TSPAN18: variants seen among roughly 807,000 people sequenced by gnomAD.
TSPAN18 encodes tetraspanin 18.
Under a neutral mutation model 27.3 loss-of-function variants are expected in TSPAN18, and 14 were observed. The ratio of observed to expected loss-of-function variants is 0.51; its 90% confidence interval spans 0.34 to 0.80. The LOEUF is 0.80. TSPAN18 is among the 30% of genes least tolerant of loss of function. The pLI is 0.01. For synonymous variants in TSPAN18, 143 were observed against 136.5 expected (o/e 1.05, Z -0.33); for missense variants, 268 against 323.9 (o/e 0.83, Z 1.32).
At chr11:44,900,680 C>CTTTTTTTTTTTTTTTTTTTTTT (rs72469181) in intron 3 of TSPAN18, among the ~76,000 whole-genome samples, 1 of 49,702 alleles carries the variant, frequency 2.0e-5, no homozygotes, top group African/African-American at 9.0e-5. Flanking sequence ...TTGAGGAAGG[C>CTTTTTTTTTTTTTTTTTTTTTT]TTTTTTTTTT....
intron 2 of TSPAN18, among the ~76,000 whole-genome samples, chr11:44,818,011 C>A (rs546445902): frequency 5.3e-5 from 8 of 152,220 alleles, no homozygotes; most frequent in Non-Finnish European, 1.2e-4. Context: ...GCTGAGATCA[C>A]CTATCCAGGA....
intron 1 of TSPAN18, among the ~76,000 whole-genome samples, chr11:44,741,246 C>T (rs1854925389): frequency 6.6e-6 from 1 of 152,202 alleles, no homozygotes. Context: ...AACATTTCCT[C>T]CCTTTCATTT....
intron 2 of TSPAN18, among the ~76,000 whole-genome samples, chr11:44,794,315 G>A (rs972241055): frequency 6.6e-6 from 1 of 152,202 alleles, no homozygotes; most frequent in Non-Finnish European, 1.5e-5. Context: ...GTGGTTGTGT[G>A]TGTGTGTGTG....
intron 1 of TSPAN18, among the ~76,000 whole-genome samples, chr11:44,741,489 C>T (rs1295279989): frequency 7.3e-6 from 1 of 136,318 alleles, no homozygotes; most frequent in Non-Finnish European, 1.6e-5. Context: ...AGAAAAATGA[C>T]CTTACTGATA....
At position 44,878,450 on chromosome 11, in the gene TSPAN18, GAGGAA is replaced by G. The variant is rs996843392; in HGVS notation, c.-11+17989_-11+17993del. ...GGGAGGTTTCCTTTGGAACAAGCAG[GAGGAA>G]AGGAAAGAATAAGGGAGTGAAACTA... On this transcript the variant is annotated intron_variant, in intron 3 of 9. Coordinates refer to ENST00000520358, the MANE Select transcript of TSPAN18 (RefSeq NM_130783.5). Among the ~76,000 whole-genome samples, 6 of 152,246 alleles carry G rather than the reference GAGGAA, an allele frequency of 3.9e-5. No homozygotes were observed. In the East Asian group the frequency reaches 1.2e-3, roughly 30 times the overall value.
chr11:44,822,390 G>A (rs1393503733), intron 2 of TSPAN18, among the ~76,000 whole-genome samples: 2 of 152,066 alleles, frequency 1.3e-5, no homozygotes, highest in African/African-American at 4.8e-5. Flanking sequence ...AGTGAAAGTG[G>A]TGGGTGGCTG....
At chr11:44,903,369 T>A (rs910081011) in intron 3 of TSPAN18, 3 of 453,296 alleles carry the variant, frequency 6.6e-6, no homozygotes, top group East Asian at 7.1e-5. Context: ...TGGGGGACTC[T>A]CCTTTGATGG....
intron 2 of TSPAN18, among the ~76,000 whole-genome samples, chr11:44,819,982 C>G (rs1283665968): frequency 6.6e-6 from 1 of 152,150 alleles, no homozygotes; most frequent in East Asian, 1.9e-4. Flanking sequence ...ACTAAGGACA[C>G]AGAGAACCAT....
chr11:44,919,461 C>T (rs1860042814), intron 7 of TSPAN18, 149 bp downstream of exon 7: 1 of 730,516 alleles, frequency 1.4e-6, no homozygotes, highest in South Asian at 1.6e-5. Context: ...GCATTCCAGG[C>T]AGCCATGCCA....
At chr11:44,815,326 C>A (rs1027233080) in intron 2 of TSPAN18, among the ~76,000 whole-genome samples, 12 of 152,202 alleles carry the variant, frequency 7.9e-5, no homozygotes, top group African/African-American at 2.9e-4. Flanking sequence ...CAAAATGAGC[C>A]CATGTGCACT....
chr11:44,823,533 C>G (rs1427047036), intron 2 of TSPAN18, among the ~76,000 whole-genome samples: 1 of 152,074 alleles, frequency 6.6e-6, no homozygotes, highest in Non-Finnish European at 1.5e-5. Context: ...GTGGGCACAA[C>G]AGTGTAGAAA....
chr11:44,902,593 A>G (rs1284657699), intron 3 of TSPAN18, among the ~76,000 whole-genome samples: 2 of 152,192 alleles, frequency 1.3e-5, no homozygotes, highest in African/African-American at 2.4e-5. Flanking sequence ...TGCTGGCCAG[A>G]CAGCAGGACA....
chr11:44,873,499 A>G (rs534197598), intron 3 of TSPAN18, among the ~76,000 whole-genome samples: 15 of 152,360 alleles, frequency 9.8e-5, no homozygotes, highest in African/African-American at 3.6e-4. Context: ...AACTCATAGC[A>G]GACAAACCCC....
At chr11:44,775,089 T>C (rs1855773849) in intron 2 of TSPAN18, among the ~76,000 whole-genome samples, 1 of 152,198 alleles carries the variant, frequency 6.6e-6, no homozygotes, top group Non-Finnish European at 1.5e-5. Flanking sequence ...GTGTCTAGTG[T>C]CTGCTGTCAC....
At chr11:44,835,314 TA>T (rs1857242528) in intron 2 of TSPAN18, among the ~76,000 whole-genome samples, 1 of 152,210 alleles carries the variant, frequency 6.6e-6, no homozygotes, top group African/African-American at 2.4e-5. Context: ...ACAGAAAGGT[TA>T]GGACATGAAC....
chr11:44,732,245 C>A (rs1253567189), intron 1 of TSPAN18, among the ~76,000 whole-genome samples: 1 of 152,246 alleles, frequency 6.6e-6, no homozygotes, highest in Admixed American at 6.5e-5. Context: ...TCTGAGATAT[C>A]CCAGAGATGA....
chr11:44,883,888 T>C (rs997117518), intron 3 of TSPAN18, among the ~76,000 whole-genome samples: 1 of 152,218 alleles, frequency 6.6e-6, no homozygotes, highest in African/African-American at 2.4e-5. Context: ...ATTTGTAAAA[T>C]AGGCATAATA....
At chr11:44,915,633 A>G (rs1046520914) in intron 5 of TSPAN18, among the ~76,000 whole-genome samples, 9 of 152,010 alleles carry the variant, frequency 5.9e-5, no homozygotes, top group Non-Finnish European at 1.0e-4. Context: ...GTGGAGACAG[A>G]CTCATGGGCT....
intron 2 of TSPAN18, among the ~76,000 whole-genome samples, chr11:44,845,253 A>G (rs2135174991): frequency 6.6e-6 from 1 of 152,360 alleles, no homozygotes; most frequent in South Asian, 2.1e-4. Context: ...GTGAAATCAT[A>G]GAGGCTTATT....
Sources: gnomAD v4.1 joint callset for allele counts (sites outside exome capture counted in the v4.1 genomes callset) on GRCh38, gnomAD v4.1.1 for gene constraint, MANE v1.5 for transcripts, NCBI Gene and HGNC (gene_info 2026-07-23, HGNC 2026-07-21) for gene names.